RIC1: variants seen among roughly 807,000 people sequenced by gnomAD.
RIC1 encodes the protein guanine nucleotide exchange factor subunit RIC1.
Under a neutral mutation model 169.0 loss-of-function variants are expected in RIC1, and 88 were observed. That is an observed-to-expected ratio of 0.52 (90% CI 0.44 to 0.62). RIC1 has a LOEUF of 0.62. Ranked by LOEUF, RIC1 falls within the 20% of genes least tolerant of loss-of-function variation. The pLI is 0.00. For synonymous variants in RIC1, 790 were observed against 601.5 expected, an observed-to-expected ratio of 1.31 and a Z score of -4.59; for missense variants, 1,877 against 1,725.5, an observed-to-expected ratio of 1.09 and a Z score of -1.56.
rs369895594 is a variant in RIC1 at position 5,642,671 on chromosome 9, C to T, written c.144+13218C>T. On this transcript the variant is annotated intron_variant, in intron 1 of 25. Coordinates refer to ENST00000414202, the MANE Select transcript of RIC1 (RefSeq NM_020829.4). ...GAGGAGAATCTGCCTCTGTGGCCAC[C>T]ACTACCACAGGGCCATAGTGGGTTC... 1.6e-4 allele frequency among the ~76,000 whole-genome samples: 23 copies of T among 144,996 alleles called. 3 individuals are homozygous for T. The East Asian group carries it at 1.9e-3, about 12-fold the overall frequency.
chr9:5,708,345 A>G (rs1368592780), intron 3 of RIC1, among the ~76,000 whole-genome samples: 1 of 152,206 alleles, frequency 6.6e-6, no homozygotes, highest in East Asian at 1.9e-4. Flanking sequence ...TGGCTTTTAT[A>G]TTTACCTATG....
At chr9:5,645,834 A>G (rs1169170775) in intron 1 of RIC1, among the ~76,000 whole-genome samples, 1 of 152,132 alleles carries the variant, frequency 6.6e-6, no homozygotes, top group Non-Finnish European at 1.5e-5. Flanking sequence ...TACCTCTTGG[A>G]TATTGTGAAT....
intron 12 of RIC1, among the ~76,000 whole-genome samples, chr9:5,749,277 G>A (rs1825580773): frequency 6.6e-6 from 1 of 152,250 alleles, no homozygotes; most frequent in Non-Finnish European, 1.5e-5. Context: ...CTATTTGGCA[G>A]TTTGTACTTG....
intron 6 of RIC1, among the ~76,000 whole-genome samples, chr9:5,730,533 A>C (rs535354215): frequency 6.6e-6 from 1 of 152,292 alleles, no homozygotes; most frequent in Middle Eastern, 3.4e-3. Flanking sequence ...ATTAGAGTAT[A>C]TATGGGTGCA....
In RIC1 at chr9:5,763,544, C is replaced by G; in HGVS notation, c.2517C>G (p.Asn839Lys). ...TTCTACGTCAACTTCTGGTCAGAAA[C>G]CTTGGGGAGCAAGCCTTGCTCTTGG... Reference protein sequence around the residue: ...HHILRQLLVRNLGEQALLLAQ... With the variant: ...HHILRQLLVRKLGEQALLLAQ... Residue 839 changes from asparagine to lysine, a missense_variant, in exon 19 of 26, where the codon AAC becomes AAG. By Grantham distance (94) the Asn-to-Lys change is moderately conservative. Around this residue, in one of 3 missense-constraint regions of RIC1, gnomAD observed 92 missense variants for 151.5 expected, o/e 0.61. Coordinates refer to ENST00000414202, the MANE Select transcript of RIC1 (RefSeq NM_020829.4). This position sits in a 1 kb window ranked among gnomAD's most constrained non-coding sequence, Gnocchi z 5.2. 6.2e-7 allele frequency: 1 copy of G among 1,614,178 alleles called. No homozygotes were observed. Among genetic ancestry groups the G allele is most frequent in the Non-Finnish European group, 8.5e-7 (1 of 1,180,024 alleles).
intron 7 of RIC1, among the ~76,000 whole-genome samples, chr9:5,735,824 GTGA>G (rs1442677967): frequency 6.6e-6 from 1 of 152,138 alleles, no homozygotes; most frequent in Non-Finnish European, 1.5e-5. Context: ...TTTGTCATGG[GTGA>G]TGATATATAT....
chr9:5,657,685 A>C (rs559621096), intron 2 of RIC1, among the ~76,000 whole-genome samples: 1 of 152,248 alleles, frequency 6.6e-6, no homozygotes, highest in African/African-American at 2.4e-5. Flanking sequence ...CTAGGTTAAT[A>C]GTCTGAAATG....
intron 3 of RIC1, among the ~76,000 whole-genome samples, chr9:5,703,435 T>C (rs572816285): frequency 2.0e-5 from 3 of 152,342 alleles, no homozygotes; most frequent in African/African-American, 7.2e-5. Context: ...AACTTTTACA[T>C]CACTCCAGGC....
chr9:5,732,348 G>T, intron 6 of RIC1, 40 bp from the exon 7 acceptor site: 1 of 1,469,418 alleles, frequency 6.8e-7, no homozygotes, highest in Non-Finnish European at 9.4e-7. Context: ...TAAATTTGGA[G>T]AAACACTTTT....
chr9:5,669,914 A>G (rs963353985), intron 2 of RIC1, among the ~76,000 whole-genome samples: 1 of 152,178 alleles, frequency 6.6e-6, no homozygotes, highest in Non-Finnish European at 1.5e-5. Context: ...AGGATGAGCC[A>G]CCTAATCAGA....
chr9:5,631,135 A>G (rs1023647139), intron 1 of RIC1, among the ~76,000 whole-genome samples: 25 of 152,228 alleles, frequency 1.6e-4, no homozygotes, highest in African/African-American at 6.0e-4. Flanking sequence ...ATTTAGGGAC[A>G]TTGTGAATAT....
intron 17 of RIC1, among the ~76,000 whole-genome samples, chr9:5,758,257 C>T (rs754686462): frequency 1.3e-5 from 2 of 152,184 alleles, no homozygotes; most frequent in Non-Finnish European, 2.9e-5. Flanking sequence ...CCAGGACCCA[C>T]GTTGCATAAC....
chr9:5,679,766 T>A (rs1444080011), intron 2 of RIC1, among the ~76,000 whole-genome samples: 1 of 152,234 alleles, frequency 6.6e-6, no homozygotes, highest in Non-Finnish European at 1.5e-5. Flanking sequence ...TTTCTAGATA[T>A]ACAATCATGT....
intron 2 of RIC1, among the ~76,000 whole-genome samples, chr9:5,677,525 C>A (rs894758855): frequency 6.6e-6 from 1 of 152,070 alleles, no homozygotes; most frequent in Non-Finnish European, 1.5e-5. Flanking sequence ...CTTCTATATA[C>A]TTCATTCTGT....
intron 1 of RIC1, among the ~76,000 whole-genome samples, chr9:5,638,442 T>C (rs1244152276): frequency 6.6e-6 from 1 of 152,220 alleles, no homozygotes; most frequent in Non-Finnish European, 1.5e-5. Flanking sequence ...AAATGTTTGT[T>C]GGAATTGAGC....
chr9:5,687,546 T>A (rs1172397225), intron 2 of RIC1, among the ~76,000 whole-genome samples: 1 of 152,194 alleles, frequency 6.6e-6, no homozygotes, highest in East Asian at 1.9e-4. Flanking sequence ...GATGTATTTT[T>A]AAAATTTCCC....
At chr9:5,723,432 A>G (rs1299060018) in intron 6 of RIC1, among the ~76,000 whole-genome samples, 1 of 152,014 alleles carries the variant, frequency 6.6e-6, no homozygotes, top group Non-Finnish European at 1.5e-5. Flanking sequence ...AAATTTGTTT[A>G]AGTTCTTTGT....
At chr9:5,752,444 G>GTT (rs1218737207) in intron 12 of RIC1, among the ~76,000 whole-genome samples, 6 of 140,384 alleles carry the variant, frequency 4.3e-5, no homozygotes, top group African/African-American at 5.2e-5. Flanking sequence ...GTTTTTTTTT[G>GTT]TTTTTTTTTT....
At chr9:5,656,154 G>C (rs986859241) in intron 1 of RIC1, among the ~76,000 whole-genome samples, 1 of 152,184 alleles carries the variant, frequency 6.6e-6, no homozygotes, top group African/African-American at 2.4e-5. Context: ...ACAGGCATGA[G>C]CCACCGCGCC....
Sources: gnomAD v4.1 joint callset for allele counts (sites outside exome capture counted in the v4.1 genomes callset) on GRCh38, gnomAD v4.1.1 for gene constraint, gnomAD v4.1.1 regional missense constraint, Gnocchi (gnomAD v3.1) non-coding constraint, MANE v1.5 for transcripts, NCBI Gene and HGNC (gene_info 2026-07-23, HGNC 2026-07-21) for gene names.